LITAF: variants seen among roughly 807,000 people sequenced by gnomAD.
The protein encoded by LITAF is lipopolysaccharide induced TNF factor.
In LITAF, 9 loss-of-function variants were observed where a neutral mutation model predicts 14.5. The ratio of observed to expected loss-of-function variants is 0.62; its 90% confidence interval spans 0.37 to 1.08. The LOEUF is 1.08. Among genes scored for constraint, LITAF ranks in the 50% least tolerant of loss-of-function variants. The pLI is 0.01. For synonymous variants in LITAF, 98 were observed against 88.2 expected, an observed-to-expected ratio of 1.11 and a Z score of -0.62; for missense variants, 206 against 213.4, an observed-to-expected ratio of 0.97 and a Z score of 0.22.
In LITAF at chr16:11,548,815, T is replaced by C; in HGVS notation, c.*822A>G. 2.2e-6 allele frequency: 1 copy of C among 453,164 alleles called. No individual in the cohort carries two copies. Among genetic ancestry groups the C allele is most frequent in the South Asian group, 1.6e-5 (1 of 64,216 alleles). The allele number at this position is 453,164 out of a possible 1,614,324, so 28.1% of individuals were successfully genotyped here. On this transcript the variant is annotated 3_prime_UTR_variant, in exon 4 of 4. Transcript: ENST00000622633. ...ACATAGTAAGACCCCATCTCTGTTTTTTTTTAAAAAAAAGAAATTCTGTTC... is the reference window on the plus strand; with the variant it reads ...ACATAGTAAGACCCCATCTCTGTTTCTTTTTAAAAAAAAGAAATTCTGTTC...
In LITAF at chr16:11,611,628, C is replaced by T. The variant is rs185227853; in HGVS notation, c.85+21905G>A. 2.4e-4 allele frequency among the ~76,000 whole-genome samples: 36 copies of T among 151,514 alleles called. No homozygotes were observed. In the East Asian group the frequency reaches 6.2e-3, roughly 26 times the overall value. ...GAGCAAATTTCCTCCAAGCATTTTTCTATCTTTTTTTTCTTTCTTTCTTTT... is the reference window on the plus strand; with the variant it reads ...GAGCAAATTTCCTCCAAGCATTTTTTTATCTTTTTTTTCTTTCTTTCTTTT... On this transcript the variant is annotated intron_variant, in intron 3 of 3. Coordinates refer to the LITAF transcript ENST00000574848.
At chr16:11,602,090 T>G (rs1423324850), upstream of LITAF, among the ~76,000 whole-genome samples, 1 of 152,230 alleles carries the variant, frequency 6.6e-6, no homozygotes, top group Non-Finnish European at 1.5e-5. Context: ...CCGGGTGCAG[T>G]GGCTCATGCC....
intron 3 of LITAF, among the ~76,000 whole-genome samples, chr16:11,619,720 C>T (rs554264302): frequency 1.4e-4 from 22 of 152,246 alleles, no homozygotes; most frequent in African/African-American, 5.3e-4. Context: ...GTGCATGCCA[C>T]CACATCTGGT....
At chr16:11,576,123 A>C (rs1267165393) in intron 1 of LITAF, among the ~76,000 whole-genome samples, 1 of 152,122 alleles carries the variant, frequency 6.6e-6, no homozygotes, top group African/African-American at 2.4e-5. Context: ...GATCCTCCCA[A>C]AGCGTTGGGA....
chr16:11,615,989 A>G (rs1194127929), intron 3 of LITAF, among the ~76,000 whole-genome samples: 1 of 152,166 alleles, frequency 6.6e-6, no homozygotes, highest in Non-Finnish European at 1.5e-5. Context: ...GATTTAATCA[A>G]TTATGCCTAC....
At chr16:11,611,544 ACAATACTTTTTAC>A (rs1465429634) in intron 3 of LITAF, among the ~76,000 whole-genome samples, 2 of 152,212 alleles carry the variant, frequency 1.3e-5, no homozygotes, top group African/African-American at 4.8e-5. Context: ...CATCCCTATA[ACAATACTTTTTAC>A]CACCTACTAT....
chr16:11,554,118 G>A (rs375281701), intron 2 of LITAF, among the ~76,000 whole-genome samples: 2 of 152,136 alleles, frequency 1.3e-5, no homozygotes, highest in Admixed American at 6.5e-5. Flanking sequence ...TGTAGTCCCA[G>A]CTACTCAGGA....
intron 1 of LITAF, among the ~76,000 whole-genome samples, chr16:11,598,202 G>T (rs2064903728): frequency 6.6e-6 from 1 of 151,730 alleles, no homozygotes; most frequent in Admixed American, 6.6e-5. Flanking sequence ...CCGGCCAAAA[G>T]CTCAGCACTC....
At chr16:11,636,322 G>A (rs1023090131) in exon 1 of LITAF, 2 of 152,218 alleles carry the variant, frequency 1.3e-5, no homozygotes, top group South Asian at 2.1e-4. Context: ...TGTAATAGGC[G>A]AAAGAAAGAG....
intron 1 of LITAF, among the ~76,000 whole-genome samples, chr16:11,598,190 GC>G (rs2064903564): frequency 1.3e-5 from 2 of 151,870 alleles, no homozygotes; most frequent in Admixed American, 6.6e-5. Context: ...GAGCCTCTGT[GC>G]CCGGCCAAAA....
chr16:11,621,310 C>T (rs2065049565), intron 3 of LITAF, among the ~76,000 whole-genome samples: 1 of 152,126 alleles, frequency 6.6e-6, no homozygotes, highest in Non-Finnish European at 1.5e-5. Context: ...GTGATCTGCC[C>T]ACCTCGGCCT....
In LITAF at chr16:11,553,272, G is replaced by A. The variant is rs115554638; in HGVS notation, c.377+261C>T. Among the ~76,000 whole-genome samples, 1,071 of 152,172 alleles carry A rather than the reference G, an allele frequency of 7.0e-3. 24 individuals are homozygous for A. The highest frequency in any genetic ancestry group is 0.025 in the African/African-American group (1,023 of 41,508). ...CAGCTCTACTAAAAATAAGCTGGGCGTGGTTGTGCACCCCTATAATCCCAG... is the reference window on the plus strand; with the variant it reads ...CAGCTCTACTAAAAATAAGCTGGGCATGGTTGTGCACCCCTATAATCCCAG... On this transcript the variant is annotated intron_variant, in intron 3 of 3. Transcript: ENST00000622633. This position sits in a 1 kb window ranked among gnomAD's most constrained non-coding sequence, Gnocchi z 7.7.
At chr16:11,576,555 A>AAAGACC (rs2064639030) in intron 1 of LITAF, among the ~76,000 whole-genome samples, 1 of 42,718 alleles carries the variant, frequency 2.3e-5, no homozygotes, top group Non-Finnish European at 6.5e-5. Flanking sequence ...AAAAAAAAAA[A>AAAGACC]GAGAGAGAGA....
At chr16:11,562,874 G>A (rs553800801) in intron 1 of LITAF, among the ~76,000 whole-genome samples, 1 of 152,130 alleles carries the variant, frequency 6.6e-6, no homozygotes, top group Non-Finnish European at 1.5e-5. Context: ...TCCAGCCTGG[G>A]TGACAGAGCA....
At position 11,548,926 on chromosome 16, in the gene LITAF, C is replaced by G. The variant is rs117082330; in HGVS notation, c.*711G>C. The G allele has an allele frequency of 2.2e-6, 1 of 453,856 alleles. No homozygotes were observed. Among genetic ancestry groups the G allele is most frequent in the Non-Finnish European group, 4.4e-6 (1 of 226,788 alleles). The allele number at this position is 453,856 out of a possible 1,614,324, so 28.1% of individuals were successfully genotyped here. A position where few individuals can be genotyped will look rare whatever the true frequency, so the allele number is the denominator to read the frequency against. On this transcript the variant is annotated 3_prime_UTR_variant, in exon 4 of 4. Coordinates refer to ENST00000622633, the MANE Select transcript of LITAF (RefSeq NM_001136472.2). The stretch of plus-strand genomic sequence containing the variant: ...AAAAATCCCTGTATGGAAAGGGGCA[C>G]TGAAGATCTGGCACAGAGAAACAAG...
At chr16:11,576,443 T>G (rs928303923) in intron 1 of LITAF, among the ~76,000 whole-genome samples, 1 of 148,100 alleles carries the variant, frequency 6.8e-6, no homozygotes, top group Non-Finnish European at 1.5e-5. Context: ...CACTCCAGCC[T>G]AGGCAACAGA....
intron 3 of LITAF, among the ~76,000 whole-genome samples, chr16:11,624,102 T>C (rs549274281): frequency 3.3e-4 from 51 of 152,256 alleles, no homozygotes; most frequent in African/African-American, 1.2e-3. Context: ...CTGGGCAACA[T>C]AGTAAGACCC....
chr16:11,548,834 T>C lies in LITAF; in HGVS notation c.*803A>G, dbSNP rs1056432697. On this transcript the variant is annotated 3_prime_UTR_variant, in exon 4 of 4. Coordinates refer to ENST00000622633, the MANE Select transcript of LITAF (RefSeq NM_001136472.2). ...CTGTTTTTTTTTAAAAAAAAGAAATTCTGTTCAAAAGTATTTCAGACCAAA... is the reference window on the plus strand; with the variant it reads ...CTGTTTTTTTTTAAAAAAAAGAAATCCTGTTCAAAAGTATTTCAGACCAAA... 6.6e-6 allele frequency: 3 copies of C among 453,128 alleles called. No individual in the cohort carries two copies. In the East Asian group the frequency reaches 2.1e-4, roughly 32 times the overall value. 28.1% of individuals were successfully genotyped at this position (453,128 alleles called of 1,614,324 possible).
chr16:11,554,883 C>A (rs1299595035), intron 2 of LITAF, among the ~76,000 whole-genome samples: 1 of 151,478 alleles, frequency 6.6e-6, no homozygotes, highest in Non-Finnish European at 1.5e-5. Flanking sequence ...AAGCAACTTC[C>A]TTCTGTTCCT....
Sources: allele counts gnomAD v4.1 joint callset (sites outside exome capture counted in the v4.1 genomes callset), GRCh38; gene constraint gnomAD v4.1.1; non-coding constraint Gnocchi (gnomAD v3.1); transcripts MANE v1.5; gene names NCBI Gene and HGNC (gene_info 2026-07-23, HGNC 2026-07-21).